The following SOX6 variants were observed in gnomAD, a reference collection of about 807,000 sequenced individuals.
SOX6 encodes SRY-box transcription factor 6, also known as transcription factor SOX-6.
A neutral mutation model predicts 97.8 loss-of-function variants in SOX6; 11 were observed. The ratio of observed to expected loss-of-function variants is 0.11; its 90% CI spans 0.07 to 0.19. The LOEUF (loss-of-function observed/expected upper bound fraction) is 0.19, where lower values mean the gene tolerates loss of function less well. SOX6 is among the 10% of genes least tolerant of loss of function. The pLI, the probability that SOX6 is intolerant of heterozygous loss-of-function variation, is 1.00. For synonymous variants in SOX6, 360 were observed against 371.4 expected (o/e 0.97, Z 0.35); for missense variants, 810 against 1,039.5 (o/e 0.78, Z 3.04).
At chr11:16,191,285 T>C (rs929210891) in intron 4 of SOX6, among the ~76,000 whole-genome samples, 27 of 152,072 alleles carry the variant, frequency 1.8e-4, no homozygotes, top group Non-Finnish European at 2.8e-4. Context: ...TAAGAACCTG[T>C]CTCTCCAAAA....
At chr11:16,086,697 T>G (rs1365675008) in intron 9 of SOX6, among the ~76,000 whole-genome samples, 2 of 152,168 alleles carry the variant, frequency 1.3e-5, no homozygotes, top group East Asian at 3.9e-4. Flanking sequence ...AACAGGGTTC[T>G]GGCATTCAGC....
rs1847808266 is a variant in SOX6, at chr11:16,056,040, A to G, written c.1102-139T>C. The stretch of plus-strand genomic sequence containing the variant: ...TCACTATTTTTAAAAAAGGAAGCTA[A>G]GAGAAGGCAAATAATAAAACAGAAA... On this transcript the variant is annotated intron_variant, in intron 9 of 15. Transcript: ENST00000683767. The G allele has an allele frequency of 8.1e-6, 8 of 984,298 alleles. 1 individual carries two copies. Among genetic ancestry groups the G allele is most frequent in the Non-Finnish European group, 1.2e-5 (8 of 665,488 alleles). 61.0% of individuals were successfully genotyped at this position (984,298 alleles called of 1,614,324 possible).
At chr11:16,313,220 T>A (rs909985140) in intron 3 of SOX6, 2 of 152,164 alleles carry the variant, frequency 1.3e-5, no homozygotes, top group Non-Finnish European at 2.9e-5. Flanking sequence ...CCTGGAGAGT[T>A]TTTGTTTCAT....
intron 4 of SOX6, among the ~76,000 whole-genome samples, chr11:16,536,921 C>A (rs1169593301): frequency 6.6e-6 from 1 of 152,206 alleles, no homozygotes; most frequent in East Asian, 1.9e-4. Context: ...ACTTAAACAT[C>A]CCTGTCTGAG....
intron 4 of SOX6, among the ~76,000 whole-genome samples, chr11:16,229,125 C>T (rs1852772978): frequency 6.6e-6 from 1 of 152,106 alleles, no homozygotes; most frequent in African/African-American, 2.4e-5. Context: ...AGGCTGAGTT[C>T]TCTCCCTTTC....
At chr11:16,360,292 A>T (rs1857177834), upstream of SOX6, among the ~76,000 whole-genome samples, 1 of 152,208 alleles carries the variant, frequency 6.6e-6, no homozygotes, top group East Asian at 1.9e-4. Flanking sequence ...TGATGTGTAT[A>T]TATTCTGATT....
intron 1 of SOX6, among the ~76,000 whole-genome samples, chr11:16,370,040 C>G (rs1857461666): frequency 6.6e-6 from 1 of 152,092 alleles, no homozygotes; most frequent in African/African-American, 2.4e-5. Flanking sequence ...CAGCTGGCCA[C>G]CATCCTCTCA....
chr11:16,603,394 G>C (rs1590002976), intron 4 of SOX6, among the ~76,000 whole-genome samples: 3 of 152,198 alleles, frequency 2.0e-5, no homozygotes, highest in African/African-American at 7.2e-5. Context: ...ACCAGAGTAA[G>C]ATAGGGAAAG....
chr11:16,428,165 T>G (rs921618733), intron 1 of SOX6, among the ~76,000 whole-genome samples: 29 of 152,236 alleles, frequency 1.9e-4, no homozygotes, highest in East Asian at 1.5e-3. Context: ...TCGCCCACTT[T>G]TTGATGGGGT....
chr11:16,095,392 A>C (rs1486454245), intron 9 of SOX6, among the ~76,000 whole-genome samples: 1 of 151,818 alleles, frequency 6.6e-6, no homozygotes, highest in African/African-American at 2.4e-5. Flanking sequence ...CTCTACTGGA[A>C]GGTGAAATAT....
chr11:16,423,154 T>A (rs1859053492), intron 1 of SOX6, among the ~76,000 whole-genome samples: 1 of 152,190 alleles, frequency 6.6e-6, no homozygotes, highest in South Asian at 2.1e-4. Context: ...CATTTGACTC[T>A]CATCACTCTA....
rs1590054636 is a variant in SOX6 at position 16,693,476 on chromosome 11, A to C, written n.429+21354T>G. Among the ~76,000 whole-genome samples the C allele has an allele frequency of 2.6e-5, 4 of 152,030 alleles. No homozygotes were observed. In the East Asian group the frequency reaches 7.7e-4, roughly 29 times the overall value. ...TATTATTTTCAAAATGAGGATCCTA[A>C]TTCTCTATCATATCAGTTGTAAATA... On this transcript the variant is annotated intron_variant and non_coding_transcript_variant, in intron 3 of 5. Transcript: ENST00000524520.
At chr11:16,719,802 G>A (rs1252022348) in intron 2 of SOX6, among the ~76,000 whole-genome samples, 1 of 152,088 alleles carries the variant, frequency 6.6e-6, no homozygotes. Flanking sequence ...GTATGTGCTT[G>A]TAGTCCAGCT....
chr11:16,039,432 T>G (rs1003159312), intron 12 of SOX6, among the ~76,000 whole-genome samples: 1 of 152,220 alleles, frequency 6.6e-6, no homozygotes, highest in South Asian at 2.1e-4. Flanking sequence ...TGATCTAGAA[T>G]AGCATATATT....
At chr11:16,073,853 A>G (rs1371990880) in intron 9 of SOX6, among the ~76,000 whole-genome samples, 3 of 152,224 alleles carry the variant, frequency 2.0e-5, no homozygotes, top group African/African-American at 4.8e-5. Flanking sequence ...TGAGTAAACA[A>G]TGAAATTAAG....
intron 2 of SOX6, among the ~76,000 whole-genome samples, chr11:16,327,144 A>G (rs767509397): frequency 1.3e-5 from 2 of 152,166 alleles, no homozygotes; most frequent in Non-Finnish European, 2.9e-5. Flanking sequence ...TCTATTCAAT[A>G]GTGAGTCACC....
intron 3 of SOX6, among the ~76,000 whole-genome samples, chr11:16,652,354 T>G (rs1847665941): frequency 6.6e-6 from 1 of 152,160 alleles, no homozygotes; most frequent in African/African-American, 2.4e-5. Context: ...TTAACTGACT[T>G]CAAACTATAC....
chr11:16,209,016 A>G (rs1209278195), intron 4 of SOX6, among the ~76,000 whole-genome samples: 1 of 152,214 alleles, frequency 6.6e-6, no homozygotes, highest in Non-Finnish European at 1.5e-5. Context: ...TGGGCTTCAT[A>G]CACTTCAACC....
chr11:16,550,836 A>C (rs1031845125), intron 4 of SOX6, among the ~76,000 whole-genome samples: 2 of 152,244 alleles, frequency 1.3e-5, no homozygotes, highest in Non-Finnish European at 2.9e-5. Context: ...CATAATTAAA[A>C]AGTATAGCTA....
Sources: gnomAD v4.1 joint callset for allele counts (sites outside exome capture counted in the v4.1 genomes callset) on GRCh38, gnomAD v4.1.1 for gene constraint, MANE v1.5 for transcripts, NCBI Gene and HGNC (gene_info 2026-07-23, HGNC 2026-07-21) for gene names.